Variants in INSL6 observed in about 807,000 individuals in gnomAD.
INSL6 encodes insulin-like peptide INSL6.
INSL6 carries 16 observed loss-of-function variants against 9.4 expected under a neutral mutation model. The ratio of observed to expected loss-of-function variants is 1.70; its 90% CI spans 1.15 to 2.59. INSL6 has a LOEUF of 2.59. Ranked by LOEUF, INSL6 falls within the 30% of genes most tolerant of loss-of-function variation. The probability of loss-of-function intolerance (pLI) is 0.00; values close to 1 mark genes in which losing one functional copy is unlikely to be tolerated. For synonymous variants in INSL6, 154 were observed against 96.9 expected (o/e 1.59, Z -3.46); for missense variants, 391 against 257.3 (o/e 1.52, Z -3.56).
chr9:5,011,311 A>G, the INSL6 span, among the ~76,000 whole-genome samples: 1 of 152,092 alleles, frequency 6.6e-6, no homozygotes, highest in Non-Finnish European at 1.5e-5. Flanking sequence ...TCAGCCTCCC[A>G]AGTAGCTGGG....
chr9:5,117,307 T>C, the INSL6 span, among the ~76,000 whole-genome samples: 1 of 152,232 alleles, frequency 6.6e-6, no homozygotes, highest in African/African-American at 2.4e-5. Context: ...CCTTCTTTAG[T>C]AGACAGTGCG....
the INSL6 span, chr9:5,100,998 T>C: frequency 6.6e-6 from 1 of 152,274 alleles, no homozygotes; most frequent in African/African-American, 2.4e-5. Context: ...CATTTCCAAC[T>C]GAGGTACCTG....
intron 2 of INSL6, among the ~76,000 whole-genome samples, chr9:5,155,989 A>T (rs1242249531): frequency 6.6e-6 from 1 of 152,130 alleles, no homozygotes; most frequent in Non-Finnish European, 1.5e-5. Flanking sequence ...AAAAAAGAAA[A>T]ACCACACATT....
the INSL6 span, among the ~76,000 whole-genome samples, chr9:5,062,094 A>G: frequency 2.2e-4 from 33 of 152,258 alleles, 1 homozygote; most frequent in South Asian, 6.8e-3. Flanking sequence ...ACCCTTGGAC[A>G]TCACAGGTTT....
chr9:4,999,105 G>A, the INSL6 span, among the ~76,000 whole-genome samples: 23 of 152,250 alleles, frequency 1.5e-4, no homozygotes, highest in African/African-American at 4.1e-4. Context: ...GATTACAGGC[G>A]TGAGCCACCG....
chr9:4,999,388 G>A, the INSL6 span, among the ~76,000 whole-genome samples: 1 of 152,070 alleles, frequency 6.6e-6, no homozygotes, highest in Non-Finnish European at 1.5e-5. Context: ...TTGACCAAAT[G>A]TCTCTTCATA....
At chr9:5,147,505 T>C (rs559148711) in intron 2 of INSL6, among the ~76,000 whole-genome samples, 50 of 152,244 alleles carry the variant, frequency 3.3e-4, no homozygotes, top group African/African-American at 1.2e-3. Flanking sequence ...TGGCAGGGAG[T>C]AGCTAGAGGC....
At chr9:5,127,443 T>G (rs1163185243) in intron 3 of INSL6, 1 of 231,626 alleles carries the variant, frequency 4.3e-6, no homozygotes, top group Non-Finnish European at 8.6e-6. Flanking sequence ...ATGTCTAGTT[T>G]TATTTGTATA....
At chr9:5,133,609 C>T (rs6476941) in intron 2 of INSL6, 88,731 of 151,940 alleles carry the variant, frequency 0.58, 28,436 homozygotes, top group African/African-American at 0.87. Flanking sequence ...CACAGGGGCC[C>T]GACTGTTAGA....
At chr9:5,011,573 A>G in the INSL6 span, among the ~76,000 whole-genome samples, 1 of 152,188 alleles carries the variant, frequency 6.6e-6, no homozygotes, top group Non-Finnish European at 1.5e-5. Context: ...ATTCTATTAC[A>G]TATGTATCAT....
At chr9:5,169,605 G>T (rs986208473) in intron 1 of INSL6, among the ~76,000 whole-genome samples, 2 of 152,162 alleles carry the variant, frequency 1.3e-5, no homozygotes, top group African/African-American at 4.8e-5. Flanking sequence ...TGATCCATTG[G>T]TGTGCTGAAT....
the INSL6 span, among the ~76,000 whole-genome samples, chr9:5,034,881 G>A: frequency 7.2e-5 from 11 of 151,916 alleles, no homozygotes; most frequent in Admixed American, 2.0e-4. Flanking sequence ...AGAAATAACT[G>A]AGATCAGAGC....
chr9:5,090,010 G>A, the INSL6 span: 4 of 467,248 alleles, frequency 8.6e-6, no homozygotes, highest in South Asian at 1.0e-4. Context: ...TGTGTTTGGT[G>A]ATCATAGACT....
the INSL6 span, among the ~76,000 whole-genome samples, chr9:5,088,949 G>A: frequency 6.6e-6 from 1 of 152,186 alleles, no homozygotes. Context: ...AGGGGTCACT[G>A]ACATTTAGCC....
the INSL6 span, chr9:5,097,052 C>A: frequency 6.6e-6 from 1 of 152,112 alleles, no homozygotes; most frequent in Non-Finnish European, 1.5e-5. Flanking sequence ...ACAGTTTATC[C>A]CCCTTTAGCT....
chr9:5,135,180 T>C (rs11788949), intron 2 of INSL6, among the ~76,000 whole-genome samples: 36,629 of 151,986 alleles, frequency 0.24, 4,885 homozygotes, highest in South Asian at 0.3. Context: ...CCCAGATCCA[T>C]AAAACAAGTT....
At chr9:5,108,092 C>G in the INSL6 span, 1 of 152,088 alleles carries the variant, frequency 6.6e-6, no homozygotes, top group African/African-American at 2.4e-5. Context: ...CTAGTTTTCT[C>G]TTCTGATCTG....
At chr9:5,025,046 G>A in the INSL6 span, among the ~76,000 whole-genome samples, 2 of 152,118 alleles carry the variant, frequency 1.3e-5, no homozygotes, top group African/African-American at 4.8e-5. Flanking sequence ...TTTTTAAGTG[G>A]CTGTTTTCTT....
intron 1 of INSL6, among the ~76,000 whole-genome samples, chr9:5,180,784 T>C (rs1586881377): frequency 6.6e-6 from 1 of 152,326 alleles, no homozygotes. Flanking sequence ...CTTTCCCTTG[T>C]GATCTTTATT....
Sources: gnomAD v4.1 joint callset for allele counts (sites outside exome capture counted in the v4.1 genomes callset) on GRCh38, gnomAD v4.1.1 for gene constraint, MANE v1.5 for transcripts, NCBI Gene and HGNC (gene_info 2026-07-23, HGNC 2026-07-21) for gene names.